Variants in KCNH1 observed in about 807,000 individuals in gnomAD.
The protein encoded by KCNH1 is potassium voltage-gated channel subfamily H member 1, also known as voltage-gated delayed rectifier potassium channel KCNH1.
KCNH1 carries 27 observed loss-of-function variants against 69.2 expected under a neutral mutation model. The observed-to-expected ratio is 0.39, with a 90% CI of 0.29 to 0.54. The LOEUF is 0.54. KCNH1 is among the 20% of genes least tolerant of loss of function. KCNH1 has a pLI of 0.68. For synonymous variants in KCNH1, 456 were observed against 487.7 expected (o/e 0.93, Z 0.86); for missense variants, 798 against 1,261.6 (o/e 0.63, Z 5.57).
At chr1:210,692,875 G>A (rs1681555247) in intron 10 of KCNH1, among the ~76,000 whole-genome samples, 1 of 152,208 alleles carries the variant, frequency 6.6e-6, no homozygotes, top group African/African-American at 2.4e-5. Flanking sequence ...CTGTGAAAGA[G>A]AAGCAATTTG....
At chr1:210,803,388 C>T (rs1315268508) in intron 8 of KCNH1, among the ~76,000 whole-genome samples, 5 of 152,032 alleles carry the variant, frequency 3.3e-5, no homozygotes, top group African/African-American at 1.2e-4. Context: ...AGGCATGAGC[C>T]GCTGCATCTG....
At chr1:210,999,376 C>T (rs1202371994) in intron 6 of KCNH1, among the ~76,000 whole-genome samples, 1 of 152,140 alleles carries the variant, frequency 6.6e-6, no homozygotes, top group African/African-American at 2.4e-5. Flanking sequence ...TCAGAGAATA[C>T]TATAAACACC....
rs1691034003 is a variant in KCNH1 at position 211,090,517 on chromosome 1, G to A, written c.439+45C>T. On this transcript the variant is annotated intron_variant, in intron 4 of 10. Coordinates refer to ENST00000271751, the MANE Select transcript of KCNH1 (RefSeq NM_172362.3). ...GCTCTGTAACAAGAGCCACAATAAA[G>A]ACAAAAAAGGCATAAATGTATTTGT... 2.6e-6 allele frequency: 4 copies of A among 1,539,048 alleles called. No individual in the cohort carries two copies. In the Admixed American group the frequency reaches 8.8e-5, roughly 34 times the overall value.
intron 4 of KCNH1, among the ~76,000 whole-genome samples, chr1:211,086,210 C>A (rs1690949717): frequency 6.6e-6 from 1 of 152,100 alleles, no homozygotes. Flanking sequence ...CTCTCATCAC[C>A]CTACTTCTGT....
Position 211,082,918 on chromosome 1 carries a change from G to A in KCNH1, c.440-20C>T, listed in dbSNP as rs1558597407. ...CCCAGCCTGAAGCAAGTGGAAGAGTGAAAAGACAGGGTCAACCACATCCCA... is the reference window on the plus strand; with the variant it reads ...CCCAGCCTGAAGCAAGTGGAAGAGTAAAAAGACAGGGTCAACCACATCCCA... On this transcript the variant is annotated intron_variant, in intron 4 of 10. Coordinates refer to ENST00000271751, the MANE Select transcript of KCNH1 (RefSeq NM_172362.3). 1 of 1,596,816 alleles carries A rather than the reference G, an allele frequency of 6.3e-7. No individual in the cohort carries two copies.
chr1:210,795,373 G>A (rs926602537), intron 9 of KCNH1, among the ~76,000 whole-genome samples: 7 of 151,994 alleles, frequency 4.6e-5, no homozygotes, highest in Non-Finnish European at 8.8e-5. Flanking sequence ...TCTCAAATTC[G>A]TGGACCCAAG....
intron 6 of KCNH1, among the ~76,000 whole-genome samples, chr1:211,013,691 A>G (rs1571578553): frequency 1.3e-5 from 2 of 152,162 alleles, no homozygotes; most frequent in South Asian, 4.1e-4. Flanking sequence ...CCGGGATAAT[A>G]CCTGCTCTCA....
At chr1:210,737,403 A>G (rs897232131) in intron 10 of KCNH1, among the ~76,000 whole-genome samples, 1 of 152,144 alleles carries the variant, frequency 6.6e-6, no homozygotes, top group African/African-American at 2.4e-5. Context: ...AGAACTATAA[A>G]CTTTTGTCCT....
At chr1:210,999,843 T>C (rs1689136444) in intron 6 of KCNH1, among the ~76,000 whole-genome samples, 1 of 152,272 alleles carries the variant, frequency 6.6e-6, no homozygotes, top group South Asian at 2.1e-4. Context: ...ATCCCTGGGA[T>C]GCAAGGCTGG....
At chr1:210,689,666 G>A (rs1322990021) in intron 10 of KCNH1, among the ~76,000 whole-genome samples, 1 of 152,232 alleles carries the variant, frequency 6.6e-6, no homozygotes, top group African/African-American at 2.4e-5. Context: ...ATGCTCAGCA[G>A]TAGAAAGAGC....
At position 210,860,127 on chromosome 1, in the gene KCNH1, G is replaced by T. The variant is rs1685945036; in HGVS notation, c.1463-55961C>A. ...TGGAAGAATCTTTTGTGCACATACT[G>T]TATATCATTTCAAGATACTTGGTAT... is the stretch of plus-strand genomic sequence containing the variant. On this transcript the variant is annotated intron_variant, in intron 7 of 10. Transcript: ENST00000271751. The T allele has an allele frequency of 2.6e-6, 3 of 1,169,138 alleles. No homozygotes were observed. The South Asian group carries it at 3.7e-5, about 14-fold the overall frequency. 72.4% of individuals were successfully genotyped at this position (1,169,138 alleles called of 1,614,324 possible). A position where few individuals can be genotyped will look rare whatever the true frequency, so the allele number is the denominator to read the frequency against.
chr1:210,955,747 G>T (rs1193591804), intron 6 of KCNH1, among the ~76,000 whole-genome samples: 6 of 152,066 alleles, frequency 3.9e-5, no homozygotes. Flanking sequence ...TTTGCACATT[G>T]ATTTTGTACC....
At chr1:210,845,801 A>C (rs1241682257) in intron 7 of KCNH1, among the ~76,000 whole-genome samples, 2 of 152,234 alleles carry the variant, frequency 1.3e-5, no homozygotes, top group African/African-American at 4.8e-5. Flanking sequence ...CCCTGTTTGC[A>C]GATGACATGA....
Position 210,741,249 on chromosome 1 carries a change from G to T in KCNH1, c.2112+34099C>A, listed in dbSNP as rs181433606. Among the ~76,000 whole-genome samples, 73 of 152,278 alleles carry T rather than the reference G, an allele frequency of 4.8e-4. 1 individual carries two copies. Among genetic ancestry groups the T allele is most frequent in the Admixed American group, 4.3e-3 (66 of 15,304 alleles). ...GAATATTGCAAACTTCTTTATTTTG[G>T]CCTGTGTAATCACAGATTTACCTAC... On this transcript the variant is annotated intron_variant, in intron 10 of 10. Transcript: ENST00000271751.
At chr1:211,113,684 A>C (rs1335683856) in intron 1 of KCNH1, among the ~76,000 whole-genome samples, 2 of 151,924 alleles carry the variant, frequency 1.3e-5, no homozygotes, top group East Asian at 1.9e-4. Flanking sequence ...CCATGTTAGC[A>C]CTCCTGAGCC....
At chr1:210,801,194 T>C (rs1173435085) in intron 8 of KCNH1, among the ~76,000 whole-genome samples, 1 of 152,116 alleles carries the variant, frequency 6.6e-6, no homozygotes, top group South Asian at 2.1e-4. Flanking sequence ...GCTACAGACA[T>C]AAAAACAGGC....
chr1:211,042,055 C>G (rs1388314774), intron 5 of KCNH1, among the ~76,000 whole-genome samples: 2 of 152,136 alleles, frequency 1.3e-5, no homozygotes, highest in Non-Finnish European at 2.9e-5. Context: ...GCACTTGGCC[C>G]ACCCACTGGC....
At chr1:210,969,155 G>T (rs921612711) in intron 6 of KCNH1, among the ~76,000 whole-genome samples, 8 of 151,844 alleles carry the variant, frequency 5.3e-5, no homozygotes, top group Admixed American at 1.3e-4. Context: ...TGTACATTAT[G>T]AATTCTTATT....
chr1:210,881,164 G>T (rs1376044149), intron 7 of KCNH1, among the ~76,000 whole-genome samples: 1 of 152,024 alleles, frequency 6.6e-6, no homozygotes, highest in Non-Finnish European at 1.5e-5. Context: ...CATCATTCCT[G>T]GCTAATTTTT....
Sources: gnomAD v4.1 joint callset for allele counts (sites outside exome capture counted in the v4.1 genomes callset) on GRCh38, gnomAD v4.1.1 for gene constraint, MANE v1.5 for transcripts, NCBI Gene and HGNC (gene_info 2026-07-23, HGNC 2026-07-21) for gene names.